SPRYD4: variants seen among roughly 807,000 people sequenced by gnomAD.
SPRYD4 encodes the protein SPRY domain containing 4.
Under a neutral mutation model 16.6 loss-of-function variants are expected in SPRYD4, and 12 were observed. That is an observed-to-expected ratio of 0.72 (90% CI 0.46 to 1.17). SPRYD4 has a LOEUF of 1.17. Ranked by LOEUF, SPRYD4 falls within the 50% of genes most tolerant of loss-of-function variation. The probability of loss-of-function intolerance (pLI) is 0.00; values close to 1 mark genes in which losing one functional copy is unlikely to be tolerated. For missense variants in SPRYD4, 260 were observed against 260.2 expected, an observed-to-expected ratio of 1.00 and a Z score of 0.00; for synonymous variants, 98 against 105.4, an observed-to-expected ratio of 0.93 and a Z score of 0.43.
At position 56,478,111 on chromosome 12, in the gene SPRYD4, A is replaced by T; in HGVS notation, c.*8534A>T. On this transcript the variant is annotated 3_prime_UTR_variant, in exon 2 of 2. Transcript: ENST00000338146. ...CCACAGAGTGCCTGGAGGCAGACAG[A>T]TGCCATGAAAGGGGTTGGCCTGTGT... 6.2e-7 allele frequency: 1 copy of T among 1,614,028 alleles called. No homozygotes were observed. The highest frequency in any genetic ancestry group is 1.1e-5 in the South Asian group (1 of 91,080).
In SPRYD4 at chr12:56,473,396, A is replaced by T; in HGVS notation, c.*3819A>T. The stretch of plus-strand genomic sequence containing the variant: ...GAGCTCAAAATTGCTTTATTATAGT[A>T]AAAGTGGTACCATTAAACAAATTTA... On this transcript the variant is annotated 3_prime_UTR_variant, in exon 2 of 2. Transcript: ENST00000338146. 6.2e-7 allele frequency: 1 copy of T among 1,605,272 alleles called. No homozygotes were observed. Among genetic ancestry groups the T allele is most frequent in the Non-Finnish European group, 8.5e-7 (1 of 1,174,896 alleles).
At position 56,476,107 on chromosome 12, in the gene SPRYD4, G is replaced by T; in HGVS notation, c.*6530G>T. ...TGCAAATGTGTTCAATTTTATAATG[G>T]CCCTTTTTTTATCCTTCTGAAAACA... is the stretch of plus-strand genomic sequence containing the variant. On this transcript the variant is annotated 3_prime_UTR_variant, in exon 2 of 2. Coordinates refer to ENST00000338146, the MANE Select transcript of SPRYD4 (RefSeq NM_207344.4). The T allele has an allele frequency of 1.2e-6, 1 of 807,306 alleles. No individual in the cohort carries two copies. The highest frequency in any genetic ancestry group is 2.0e-6 in the Non-Finnish European group (1 of 494,244). The allele number at this position is 807,306 out of a possible 1,614,324, so 50.0% of individuals were successfully genotyped here.
rs1368090022 is a variant in SPRYD4, at chr12:56,469,918, T to C, written c.*341T>C. ...CTTATCATTCAGCTTTGTTTGAATT[T>C]ATTAATCACCATGATACCTCTCCCT... is the stretch of plus-strand genomic sequence containing the variant. On this transcript the variant is annotated 3_prime_UTR_variant, in exon 2 of 2. Coordinates refer to ENST00000338146, the MANE Select transcript of SPRYD4 (RefSeq NM_207344.4). 2 of 269,884 alleles carry C rather than the reference T, an allele frequency of 7.4e-6. No individual in the cohort carries two copies. The highest frequency in any genetic ancestry group is 7.4e-5 in the East Asian group (1 of 13,480). 16.7% of individuals were successfully genotyped at this position (269,884 alleles called of 1,614,324 possible).
In SPRYD4 at chr12:56,475,461, T is replaced by A; in HGVS notation, c.*5884T>A. The A allele has an allele frequency of 1.4e-6, 1 of 737,262 alleles. No individual in the cohort carries two copies. 45.7% of individuals were successfully genotyped at this position (737,262 alleles called of 1,614,324 possible). On this transcript the variant is annotated 3_prime_UTR_variant, in exon 2 of 2. Transcript: ENST00000338146. ...AAATGGAACAAATTATTTTACAAGA[T>A]AAACAAATGTTTATGAAGGGACTCA...
Position 56,470,886 on chromosome 12 carries a change from A to G in SPRYD4, c.*1309A>G, listed in dbSNP as rs754575777. The G allele has an allele frequency of 1.1e-4, 17 of 152,380 alleles. No homozygotes were observed. The highest frequency in any genetic ancestry group is 2.7e-4 in the African/African-American group (11 of 41,388). 9.4% of individuals were successfully genotyped at this position (152,380 alleles called of 1,614,324 possible). Reference sequence around the variant, plus strand: ...TGACCCTGTGATTCCATCTTTTTCTACCTTCTATGATGGTGATGAAGCTAG... The same window carrying G: ...TGACCCTGTGATTCCATCTTTTTCTGCCTTCTATGATGGTGATGAAGCTAG... On this transcript the variant is annotated 3_prime_UTR_variant, in exon 2 of 2. Coordinates refer to ENST00000338146, the MANE Select transcript of SPRYD4 (RefSeq NM_207344.4).
chr12:56,477,396 T>G lies in SPRYD4; in HGVS notation c.*7819T>G. On this transcript the variant is annotated 3_prime_UTR_variant, in exon 2 of 2. Coordinates refer to ENST00000338146, the MANE Select transcript of SPRYD4 (RefSeq NM_207344.4). ...AGGGGTCAGGACCTGCTCACTTCTC[T>G]AAGGGTCAGAAAGCTCTAGGCTCTA... 1 of 335,064 alleles carries G rather than the reference T, an allele frequency of 3.0e-6. No individual in the cohort carries two copies. The highest frequency in any genetic ancestry group is 5.5e-6 in the Non-Finnish European group (1 of 183,044). The allele number at this position is 335,064 out of a possible 1,614,324, so 20.8% of individuals were successfully genotyped here. A position where few individuals can be genotyped will look rare whatever the true frequency, so the allele number is the denominator to read the frequency against.
At position 56,472,426 on chromosome 12, in the gene SPRYD4, T is replaced by C; in HGVS notation, c.*2849T>C. On this transcript the variant is annotated 3_prime_UTR_variant, in exon 2 of 2. Transcript: ENST00000338146. ...AATATCACTCACTGCCTACCTGTGGTAAGTGCCCATTTGAGGCAGGGTACC... is the reference window on the plus strand; with the variant it reads ...AATATCACTCACTGCCTACCTGTGGCAAGTGCCCATTTGAGGCAGGGTACC... 1.7e-6 allele frequency: 1 copy of C among 605,354 alleles called. No individual in the cohort carries two copies. 37.5% of individuals were successfully genotyped at this position (605,354 alleles called of 1,614,324 possible).
chr12:56,479,405 G>GA lies in SPRYD4; in HGVS notation c.*9836dup, dbSNP rs71446556. 4.5e-5 allele frequency: 22 copies of GA among 489,190 alleles called. No homozygotes were observed. Among genetic ancestry groups the GA allele is most frequent in the Non-Finnish European group, 4.5e-5 (13 of 286,948 alleles). 30.3% of individuals were successfully genotyped at this position (489,190 alleles called of 1,614,324 possible). A position where few individuals can be genotyped will look rare whatever the true frequency, so the allele number is the denominator to read the frequency against. On this transcript the variant is annotated 3_prime_UTR_variant, in exon 2 of 2. Transcript: ENST00000338146. ...AAAGACACTATGTCTTGGGATATGAGAAAAAAAATAAATACCAGAATAATA... is the reference window on the plus strand; with the variant it reads ...AAAGACACTATGTCTTGGGATATGAGAAAAAAAAATAAATACCAGAATAATA...
chr12:56,478,529 GT>G lies in SPRYD4; in HGVS notation c.*8954del. On this transcript the variant is annotated 3_prime_UTR_variant, in exon 2 of 2. Transcript: ENST00000338146. ...ATTCTGAGGCAACCTTCCCCTTTTGGTTCTTAGGCTCAGTTACCCTATAAAT... is the reference window on the plus strand; with the variant it reads ...ATTCTGAGGCAACCTTCCCCTTTTGGTCTTAGGCTCAGTTACCCTATAAAT... 4.4e-6 allele frequency: 2 copies of G among 458,882 alleles called. No homozygotes were observed. Among genetic ancestry groups the G allele is most frequent in the Non-Finnish European group, 7.9e-6 (2 of 251,978 alleles). The allele number at this position is 458,882 out of a possible 1,614,324, so 28.4% of individuals were successfully genotyped here.
At position 56,472,918 on chromosome 12, in the gene SPRYD4, C is replaced by T. The variant is rs531422437; in HGVS notation, c.*3341C>T. 1.4e-4 allele frequency: 85 copies of T among 596,158 alleles called. No homozygotes were observed. The Middle Eastern group carries it at 2.5e-3, about 17-fold the overall frequency. The allele number at this position is 596,158 out of a possible 1,614,324, so 36.9% of individuals were successfully genotyped here. Reference sequence around the variant, plus strand: ...TTTTTTTTTTTTTGAGACGGAGTCTCGCTCTGTCGTTCAGGCTGAAGTGTA... The same window carrying T: ...TTTTTTTTTTTTTGAGACGGAGTCTTGCTCTGTCGTTCAGGCTGAAGTGTA... On this transcript the variant is annotated 3_prime_UTR_variant, in exon 2 of 2. Coordinates refer to ENST00000338146, the MANE Select transcript of SPRYD4 (RefSeq NM_207344.4).
At position 56,471,100 on chromosome 12, in the gene SPRYD4, T is replaced by C; in HGVS notation, c.*1523T>C. The C allele has an allele frequency of 2.7e-6, 1 of 364,238 alleles. No individual in the cohort carries two copies. 22.6% of individuals were successfully genotyped at this position (364,238 alleles called of 1,614,324 possible). On this transcript the variant is annotated 3_prime_UTR_variant, in exon 2 of 2. Transcript: ENST00000338146. ...TGTATATAGCCATTCCCACTTCCCA[T>C]ATTCTGTGGATATGTACATGTGCAT...
Position 56,469,606 on chromosome 12 carries a change from G to A in SPRYD4, c.*29G>A, listed in dbSNP as rs1461887818. The A allele has an allele frequency of 1.9e-6, 3 of 1,580,230 alleles. No homozygotes were observed. Among genetic ancestry groups the A allele is most frequent in the Non-Finnish European group, 2.6e-6 (3 of 1,162,154 alleles). ...GTCCATTACTGGAGTCCCTAATCAC[G>A]CCTTTGGCCAGCCTCCTTTTGAAAG... On this transcript the variant is annotated 3_prime_UTR_variant, in exon 2 of 2. Coordinates refer to ENST00000338146, the MANE Select transcript of SPRYD4 (RefSeq NM_207344.4).
Position 56,473,053 on chromosome 12 carries a change from C to T in SPRYD4, c.*3476C>T. 1 of 645,562 alleles carries T rather than the reference C, an allele frequency of 1.5e-6. No homozygotes were observed. Among genetic ancestry groups the T allele is most frequent in the South Asian group, 2.0e-5 (1 of 50,416 alleles). 40.0% of individuals were successfully genotyped at this position (645,562 alleles called of 1,614,324 possible). On this transcript the variant is annotated 3_prime_UTR_variant, in exon 2 of 2. Transcript: ENST00000338146. Reference sequence around the variant, plus strand: ...CACAGGCGCGTGCCACCACGTCTGGCTAATTTTTTGTATTTTCAATAGAGA... The same window carrying T: ...CACAGGCGCGTGCCACCACGTCTGGTTAATTTTTTGTATTTTCAATAGAGA...
At chr12:56,468,709 A>G (rs1244678259) in intron 1 of SPRYD4, 33 bp downstream of exon 1, 2 of 1,596,838 alleles carry the variant, frequency 1.3e-6, no homozygotes, top group Non-Finnish European at 1.7e-6. Context: ...TTTTACCTCC[A>G]GAATGGCTGC....
At position 56,469,807 on chromosome 12, in the gene SPRYD4, T is replaced by A; in HGVS notation, c.*230T>A. 1.8e-6 allele frequency: 1 copy of A among 567,090 alleles called. No individual in the cohort carries two copies. The highest frequency in any genetic ancestry group is 3.1e-6 in the Non-Finnish European group (1 of 318,034). 35.1% of individuals were successfully genotyped at this position (567,090 alleles called of 1,614,324 possible). On this transcript the variant is annotated 3_prime_UTR_variant, in exon 2 of 2. Transcript: ENST00000338146. ...CTACTGCCAATTTCCTAGGCTACCA[T>A]GGGTGTATCTTCCTTGACCTGCTTC...
chr12:56,475,836 G>A lies in SPRYD4; in HGVS notation c.*6259G>A. The A allele has an allele frequency of 1.4e-6, 2 of 1,409,128 alleles. No individual in the cohort carries two copies. Among genetic ancestry groups the A allele is most frequent in the South Asian group, 1.2e-5 (1 of 86,334 alleles). 87.3% of individuals were successfully genotyped at this position (1,409,128 alleles called of 1,614,324 possible). A position where few individuals can be genotyped will look rare whatever the true frequency, so the allele number is the denominator to read the frequency against. On this transcript the variant is annotated 3_prime_UTR_variant, in exon 2 of 2. Transcript: ENST00000338146. ...CACATTTCTGGAAATAAGGCTTCTAGTATGGGCTGGTGCACCTGGTAGTGG... is the reference window on the plus strand; with the variant it reads ...CACATTTCTGGAAATAAGGCTTCTAATATGGGCTGGTGCACCTGGTAGTGG...
rs762162263 is a variant in SPRYD4, at chr12:56,471,488, C to T, written c.*1911C>T. 3.2e-5 allele frequency: 51 copies of T among 1,611,940 alleles called. No homozygotes were observed. Among genetic ancestry groups the T allele is most frequent in the Non-Finnish European group, 3.8e-5 (45 of 1,178,928 alleles). ...GCAGGGGCTGTCCATGACCTGTGCT[C>T]ATACCATGCTTTCTAAGTTCTCTTT... On this transcript the variant is annotated 3_prime_UTR_variant, in exon 2 of 2. Coordinates refer to ENST00000338146, the MANE Select transcript of SPRYD4 (RefSeq NM_207344.4).
At chr12:56,468,998 C>G in intron 1 of SPRYD4, 41 bp from the exon 2 acceptor site, 2 of 1,528,566 alleles carry the variant, frequency 1.3e-6, no homozygotes, top group Non-Finnish European at 1.8e-6. Context: ...CCCTAGGGTT[C>G]TAGCCCCTGT....
At position 56,477,202 on chromosome 12, in the gene SPRYD4, A is replaced by C; in HGVS notation, c.*7625A>C. ...CTGGGAGACCTACAGCTGATGGGCT[A>C]GTCTGACACCCTGTTCAAGGCCAAC... On this transcript the variant is annotated 3_prime_UTR_variant, in exon 2 of 2. Coordinates refer to ENST00000338146, the MANE Select transcript of SPRYD4 (RefSeq NM_207344.4). The C allele has an allele frequency of 6.5e-6, 1 of 153,212 alleles. No homozygotes were observed. 9.5% of individuals were successfully genotyped at this position (153,212 alleles called of 1,614,324 possible).
Sources: gnomAD v4.1 joint callset for allele counts on GRCh38, gnomAD v4.1.1 for gene constraint, MANE v1.5 for transcripts, NCBI Gene and HGNC (gene_info 2026-07-23, HGNC 2026-07-21) for gene names.